CPNE7: variants seen among roughly 807,000 people sequenced by gnomAD.
CPNE7 encodes the protein copine 7.
In CPNE7, 78 loss-of-function variants were observed where a neutral mutation model predicts 66.5. That is an observed-to-expected ratio of 1.17 (90% CI 0.98 to 1.42). CPNE7 has a LOEUF of 1.42. Among genes scored for constraint, CPNE7 ranks in the 40% most tolerant of loss-of-function variants. The pLI, the probability that CPNE7 is intolerant of heterozygous loss-of-function variation, is 0.00. For synonymous variants in CPNE7, 468 were observed against 336.7 expected, an observed-to-expected ratio of 1.39 and a Z score of -4.27; for missense variants, 1,012 against 776.6, an observed-to-expected ratio of 1.30 and a Z score of -3.60.
At position 89,588,191 on chromosome 16, in the gene CPNE7, G is replaced by GC. The variant is rs775227728; in HGVS notation, c.928-479dup. 8.4e-3 allele frequency among the ~76,000 whole-genome samples: 191 copies of GC among 22,832 alleles called. 34 individuals are homozygous for GC. Among genetic ancestry groups the GC allele is most frequent in the Middle Eastern group, 0.029 (1 of 34 alleles). The allele number at this position is 22,832 out of a possible 152,430, so 15.0% of individuals were successfully genotyped here. The stretch of plus-strand genomic sequence containing the variant: ...CCCGCGTGTCACCCACAGATACACG[G>GC]CCCCCGTGTCACCCGCGTGTCACCC... On this transcript the variant is annotated intron_variant, in intron 9 of 14. Coordinates refer to ENST00000319518, the MANE Select transcript of CPNE7 (RefSeq NM_153636.3).
intron 9 of CPNE7, among the ~76,000 whole-genome samples, chr16:89,588,262 G>T (rs145165050): frequency 1.3e-5 from 2 of 150,628 alleles, no homozygotes; most frequent in Admixed American, 6.7e-5. Context: ...TTGCAGATGC[G>T]CTGGTTCGTG....
chr16:89,589,982 G>T (rs1353080045), intron 11 of CPNE7, 31 bp downstream of exon 11: 3 of 1,612,068 alleles, frequency 1.9e-6, no homozygotes, highest in Non-Finnish European at 2.5e-6. Flanking sequence ...AGACCTCAGA[G>T]CTGTGCCCTT....
At position 89,586,940 on chromosome 16, in the gene CPNE7, C is replaced by T. The variant is rs550093955; in HGVS notation, c.868-103C>T. 61 of 1,219,718 alleles carry T rather than the reference C, an allele frequency of 5.0e-5. No homozygotes were observed. The African/African-American group carries it at 8.4e-4, about 17-fold the overall frequency. 75.6% of individuals were successfully genotyped at this position (1,219,718 alleles called of 1,614,324 possible). ...TGGGGGAGAGGAGAGGAGGGTGGCA[C>T]CCCAGAGGGACTGGGCTGCCTGCGG... is the stretch of plus-strand genomic sequence containing the variant. On this transcript the variant is annotated intron_variant, in intron 8 of 14. Transcript: ENST00000319518.
At position 89,585,448 on chromosome 16, in the gene CPNE7, C is replaced by A. The variant is rs2059018915; in HGVS notation, c.592-16C>A. 1.2e-6 allele frequency: 2 copies of A among 1,600,180 alleles called. No homozygotes were observed. Among genetic ancestry groups the A allele is most frequent in the Non-Finnish European group, 1.7e-6 (2 of 1,171,010 alleles). On this transcript the variant is annotated splice_polypyrimidine_tract_variant and intron_variant, in intron 5 of 14. Transcript: ENST00000319518. Reference sequence around the variant, plus strand: ...GGCCCTGGGCCTCCCCTGAGCCAGCCCCTCCCGGCCCACAGGTGGTGAAGA... The same window carrying A: ...GGCCCTGGGCCTCCCCTGAGCCAGCACCTCCCGGCCCACAGGTGGTGAAGA...
Position 89,596,560 on chromosome 16 carries a change from G to T in CPNE7, c.1616G>T (p.Gly539Val), listed in dbSNP as rs1433475659. 3 of 1,609,112 alleles carry T rather than the reference G, an allele frequency of 1.9e-6. No homozygotes were observed. The highest frequency in any genetic ancestry group is 2.7e-5 in the African/African-American group (2 of 74,934). The change falls in exon 15 of 15, where the codon GGC becomes GTC. Residue 539 changes from glycine to valine, a missense_variant. Gly to Val is a moderately radical substitution (Grantham distance 109, BLOSUM62 -3). Transcript: ENST00000319518. ...GTGGTGGAGTACTACAGCCACAGAG[G>T]CCTGCCCCCGAGAAGCCTGGGTGTC... ...KQVVEYYSHR[G>V]LPPRSLGVPA...
At chr16:89,592,323 T>G (rs1406845525) in intron 13 of CPNE7, among the ~76,000 whole-genome samples, 2 of 151,396 alleles carry the variant, frequency 1.3e-5, no homozygotes, top group Non-Finnish European at 2.9e-5. Context: ...CCAAAATAAT[T>G]TTAAACTCAC....
chr16:89,582,023 C>T (rs114166945), intron 2 of CPNE7, among the ~76,000 whole-genome samples: 17 of 152,356 alleles, frequency 1.1e-4, no homozygotes, highest in African/African-American at 4.1e-4. Context: ...TTCACATAAG[C>T]ACACACACAG....
rs202003487 is a variant in CPNE7 at position 89,586,775 on chromosome 16, C to T, written c.867+19C>T. The T allele has an allele frequency of 1.3e-4, 204 of 1,600,234 alleles. 3 individuals are homozygous for T. Among genetic ancestry groups the T allele is most frequent in the East Asian group, 1.2e-3 (54 of 44,636 alleles). On this transcript the variant is annotated intron_variant, in intron 8 of 14. Transcript: ENST00000319518. ...CCTCAAGGTGAGAGGTGGCTGTGCC[C>T]GAAGCCTCCCCACCCACAAGAGGGG...
rs890556381 is a variant in CPNE7 at position 89,584,214 on chromosome 16, G to A, written c.507+112G>A. The A allele has an allele frequency of 5.6e-6, 6 of 1,064,018 alleles. No homozygotes were observed. Among genetic ancestry groups the A allele is most frequent in the Non-Finnish European group, 4.1e-6 (3 of 739,722 alleles). The allele number at this position is 1,064,018 out of a possible 1,614,324, so 65.9% of individuals were successfully genotyped here. On this transcript the variant is annotated intron_variant, in intron 4 of 14. Coordinates refer to ENST00000319518, the MANE Select transcript of CPNE7 (RefSeq NM_153636.3). The surrounding 1 kb of genome is among the most constrained non-coding windows in gnomAD (Gnocchi z 6.0). Reference sequence around the variant, plus strand: ...CGTGGCTATGTCCCGTGTGAGACGTGTGCGGAGTGTGCCTGGGGCTGGGCG... The same window carrying A: ...CGTGGCTATGTCCCGTGTGAGACGTATGCGGAGTGTGCCTGGGGCTGGGCG...
intron 10 of CPNE7, among the ~76,000 whole-genome samples, chr16:89,589,210 G>A (rs1054621630): frequency 6.6e-6 from 1 of 152,110 alleles, no homozygotes; most frequent in Non-Finnish European, 1.5e-5. Flanking sequence ...GAGAATCACT[G>A]GAACCCGGGA....
In CPNE7 at chr16:89,596,662, C is replaced by T. The variant is rs2059262117; in HGVS notation, c.*41C>T. 3 of 1,542,030 alleles carry T rather than the reference C, an allele frequency of 1.9e-6. No individual in the cohort carries two copies. Among genetic ancestry groups the T allele is most frequent in the Non-Finnish European group, 8.7e-7 (1 of 1,152,470 alleles). On this transcript the variant is annotated 3_prime_UTR_variant, in exon 15 of 15. Transcript: ENST00000319518. ...AGGGTGGGGGCAGTGAGGAATGGGTCCGTACAGCCTCTGTCTGCAACATGC... is the reference window on the plus strand; with the variant it reads ...AGGGTGGGGGCAGTGAGGAATGGGTTCGTACAGCCTCTGTCTGCAACATGC...
At chr16:89,591,333 G>C (rs1171379853) in intron 13 of CPNE7, 73 bp downstream of exon 13, 5 of 1,458,442 alleles carry the variant, frequency 3.4e-6, no homozygotes, top group African/African-American at 1.4e-5. Context: ...TGGACGTCAG[G>C]GAGGCACCTG....
intron 3 of CPNE7, 83 bp from the exon 4 acceptor site, chr16:89,583,945 C>T: frequency 1.3e-6 from 2 of 1,549,802 alleles, no homozygotes; most frequent in Non-Finnish European, 1.8e-6. Context: ...TGGGTGGGGT[C>T]AGCCAGCCTG....
intron 2 of CPNE7, among the ~76,000 whole-genome samples, chr16:89,578,647 C>T (rs559221439): frequency 6.6e-6 from 1 of 151,616 alleles, no homozygotes; most frequent in South Asian, 2.1e-4. Flanking sequence ...GTAATCCCAG[C>T]TACTCTGGAG....
intron 14 of CPNE7, chr16:89,595,982 ACGCACAG>A: frequency 2.0e-6 from 1 of 499,726 alleles, no homozygotes; most frequent in African/African-American, 2.1e-5. Context: ...ACCCGGTGAG[ACGCACAG>A]CACACACGTG....
At chr16:89,583,518 A>G (rs200338413) in intron 2 of CPNE7, 179 bp from the exon 3 acceptor site, 1 of 1,564,996 alleles carries the variant, frequency 6.4e-7, no homozygotes, top group Non-Finnish European at 8.7e-7. Flanking sequence ...GGCCACACGC[A>G]GGGATGGCAG....
At chr16:89,582,761 G>C (rs551958868) in intron 2 of CPNE7, among the ~76,000 whole-genome samples, 3 of 152,346 alleles carry the variant, frequency 2.0e-5, no homozygotes, top group South Asian at 4.1e-4. Context: ...TCTCTGCTTT[G>C]TATTCAACCT....
chr16:89,576,294 G>C (rs1363500278), intron 1 of CPNE7, among the ~76,000 whole-genome samples: 2 of 152,088 alleles, frequency 1.3e-5, no homozygotes, highest in African/African-American at 4.8e-5. Context: ...CGGCGAGCGG[G>C]GTTCGGAGGA....
chr16:89,577,573 A>G lies in CPNE7; in HGVS notation c.209A>G (p.His70Arg). Residue 70 changes from histidine to arginine, a missense_variant, in exon 2 of 15, where the codon CAT becomes CGT. Physicochemically the swap from His to Arg is conservative, Grantham distance 29. Coordinates refer to ENST00000319518, the MANE Select transcript of CPNE7 (RefSeq NM_153636.3). ...GRTEVVRSSL[H>R]PVFSKVFTVD... ...ACCGAGGTGGTCCGGAGCAGCCTGC[A>G]TCCCGTGTTCTCCAAGGTCTTCACG... 1 of 1,552,616 alleles carries G rather than the reference A, an allele frequency of 6.4e-7. No individual in the cohort carries two copies. Among genetic ancestry groups the G allele is most frequent in the Non-Finnish European group, 8.7e-7 (1 of 1,147,488 alleles).
Sources: gnomAD v4.1 joint callset for allele counts (sites outside exome capture counted in the v4.1 genomes callset) on GRCh38, gnomAD v4.1.1 for gene constraint, Gnocchi (gnomAD v3.1) non-coding constraint, MANE v1.5 for transcripts, NCBI Gene and HGNC (gene_info 2026-07-23, HGNC 2026-07-21) for gene names.